The following NUMA1 variants were observed in gnomAD, a reference collection of about 807,000 sequenced individuals.
NUMA1 encodes the protein SP-H antigen.
In NUMA1, 62 loss-of-function variants were observed where a neutral mutation model predicts 237.1. That is an observed-to-expected ratio of 0.26 (90% CI 0.21 to 0.32). NUMA1 has a LOEUF of 0.32. Among genes scored for constraint, NUMA1 ranks in the 10% least tolerant of loss-of-function variants. NUMA1 has a pLI of 1.00. For missense variants in NUMA1, 2,533 were observed against 2,666.5 expected (o/e 0.95, Z 1.10); for synonymous variants, 1,028 against 1,066.1 (o/e 0.96, Z 0.70).
chr11:72,004,773 G>T lies in NUMA1; in HGVS notation c.5873C>A (p.Thr1958Asn). The change falls in exon 24 of 27, where the codon ACT (threonine) becomes AAT (asparagine). Residue 1958 changes from threonine (T) to asparagine (N), a missense_variant. Thr to Asn is a moderately conservative substitution (Grantham distance 65, BLOSUM62 0). Transcript: ENST00000393695. Reference sequence around the variant, plus strand: ...GCGCAGGGTCTCTTGGGGGTCTCCAGTTTTCATCTCCTCATCTGTGATGGT... The same window carrying T: ...GCGCAGGGTCTCTTGGGGGTCTCCATTTTTCATCTCCTCATCTGTGATGGT... The part of the protein sequence containing the change: ...LGTITDEEMK[T>N]GDPQETLRRA... 1 of 1,599,064 alleles carries T rather than the reference G, an allele frequency of 6.3e-7. No individual in the cohort carries two copies.
chr11:72,040,686 T>G (rs1941571550), intron 2 of NUMA1: 1 of 152,158 alleles, frequency 6.6e-6, no homozygotes, highest in South Asian at 2.1e-4. Context: ...GCTTTCCTTC[T>G]CTGAACAAAA....
rs142885887 is a variant in NUMA1 at position 72,013,387 on chromosome 11, G to T, written c.4116C>A (p.Ala1372=). The T allele has an allele frequency of 2.5e-6, 4 of 1,611,830 alleles. No homozygotes were observed. In the African/African-American group the frequency reaches 5.3e-5, roughly 22 times the overall value. Residue 1372 remains alanine, a synonymous_variant, in exon 15 of 27, where the codon GCC becomes GCA. Coordinates refer to ENST00000393695, the MANE Select transcript of NUMA1 (RefSeq NM_006185.4). The surrounding 1 kb of genome is among the most constrained non-coding windows in gnomAD (Gnocchi z 6.8). ...PAKHLCQQLQ[A]EQAAAEKRHR... ...GGCGTTTCTCGGCAGCGGCCTGCTC[G>T]GCCTGCAGCTGCTGGCAGAGGTGCT...
intron 17 of NUMA1, among the ~76,000 whole-genome samples, chr11:72,009,976 G>A (rs983168982): frequency 4.6e-5 from 7 of 152,208 alleles, no homozygotes; most frequent in Non-Finnish European, 7.3e-5. Flanking sequence ...AACTCCTTAA[G>A]AGCAGGGCCT....
chr11:72,046,911 G>A (rs1565272141), intron 2 of NUMA1, among the ~76,000 whole-genome samples: 1 of 152,078 alleles, frequency 6.6e-6, no homozygotes, highest in Non-Finnish European at 1.5e-5. Context: ...AGTGAGCTGA[G>A]ATTGCGCCAT....
intron 3 of NUMA1, among the ~76,000 whole-genome samples, chr11:72,035,243 G>A (rs1211222762): frequency 1.3e-5 from 2 of 152,126 alleles, no homozygotes; most frequent in Non-Finnish European, 2.9e-5. Context: ...TCTAGCAAAA[G>A]AATTTTGATG....
At chr11:72,041,245 T>G (rs1941635863) in intron 2 of NUMA1, 2 of 147,258 alleles carry the variant, frequency 1.4e-5, no homozygotes. Flanking sequence ...AGGGAGGGGG[T>G]GCACTGGAGA....
At chr11:72,077,452 T>C (rs1943761839) in intron 1 of NUMA1, among the ~76,000 whole-genome samples, 1 of 152,100 alleles carries the variant, frequency 6.6e-6, no homozygotes, top group Non-Finnish European at 1.5e-5. Context: ...AGAATTTCAA[T>C]GAAAAAACAC....
chr11:72,046,018 C>G (rs1262048914), intron 2 of NUMA1, among the ~76,000 whole-genome samples: 2 of 152,220 alleles, frequency 1.3e-5, no homozygotes, highest in African/African-American at 4.8e-5. Context: ...GAGGCTGAAC[C>G]TTCCCCTAGA....
chr11:72,019,582 C>G lies in NUMA1; in HGVS notation c.496G>C (p.Glu166Gln), dbSNP rs1171308237. The change falls in exon 9 of 27, where the codon GAA becomes CAA. Residue 166 changes from glutamate to glutamine, a missense_variant. Glu to Gln is a conservative substitution (Grantham distance 29, BLOSUM62 2). Around this residue, in one of 3 missense-constraint regions of NUMA1, gnomAD observed 1,414 missense variants for 1,508.1 expected, o/e 0.94. Coordinates refer to ENST00000393695, the MANE Select transcript of NUMA1 (RefSeq NM_006185.4). ...TGGTGGCTAGGTGGGGAGAGCTCTT[C>G]AGGGAATGTGCTAGAACAGGTAGAA... ...VPSTCSSTFP[E>Q]ELSPPSHQAK... 1 of 1,613,938 alleles carries G rather than the reference C, an allele frequency of 6.2e-7. No homozygotes were observed. The highest frequency in any genetic ancestry group is 2.2e-5 in the East Asian group (1 of 44,878).
At chr11:72,066,723 C>T (rs1943219554) in intron 2 of NUMA1, 1 of 152,218 alleles carries the variant, frequency 6.6e-6, no homozygotes, top group Non-Finnish European at 1.5e-5. Context: ...TGTTCCTCTA[C>T]AAACTTAATT....
rs1955381902 is a variant in NUMA1, at chr11:72,003,220, AC to A, written c.*306del. Reference sequence around the variant, plus strand: ...AGAGGAAGACTGGCCAGGCCCAAGGACCCAGCCATCAAAACCAGCCTCAAAT... The same window carrying A: ...AGAGGAAGACTGGCCAGGCCCAAGGACCAGCCATCAAAACCAGCCTCAAAT... On this transcript the variant is annotated 3_prime_UTR_variant, in exon 27 of 27. Transcript: ENST00000393695. 2.2e-6 allele frequency: 1 copy of A among 462,164 alleles called. No individual in the cohort carries two copies. Among genetic ancestry groups the A allele is most frequent in the African/African-American group, 1.9e-5 (1 of 51,494 alleles). The allele number at this position is 462,164 out of a possible 1,614,324, so 28.6% of individuals were successfully genotyped here.
chr11:72,036,993 T>C (rs920274396), intron 2 of NUMA1, among the ~76,000 whole-genome samples: 1 of 152,166 alleles, frequency 6.6e-6, no homozygotes, highest in African/African-American at 2.4e-5. Context: ...AGTCTCCCCA[T>C]ATATTAGCAT....
chr11:72,042,998 TAC>T (rs1204090436), intron 2 of NUMA1, among the ~76,000 whole-genome samples: 1 of 152,088 alleles, frequency 6.6e-6, no homozygotes, highest in Non-Finnish European at 1.5e-5. Flanking sequence ...GGCCCGCACC[TAC>T]AGTTCCAGCT....
In NUMA1 at chr11:72,015,974, A is replaced by G; in HGVS notation, c.1529T>C (p.Leu510Pro). 6.2e-7 allele frequency: 1 copy of G among 1,613,978 alleles called. No individual in the cohort carries two copies. Among genetic ancestry groups the G allele is most frequent in the Non-Finnish European group, 8.5e-7 (1 of 1,180,006 alleles). ...VASLTSELTT[L>P]NATIQQQDQE... ...ATCCTGTTGCTGGATGGTGGCATTG[A>G]GTGTGGTGAGCTCAGAGGTCAGAGA... Residue 510 changes from leucine to proline, a missense_variant, in exon 15 of 27, where the codon CTC (leucine) becomes CCC (proline). Physicochemically the swap from Leu to Pro is moderately conservative, Grantham distance 98. Transcript: ENST00000393695. The surrounding 1 kb of genome is among the most constrained non-coding windows in gnomAD (Gnocchi z 4.0).
chr11:72,029,152 C>T, intron 4 of NUMA1, 53 bp downstream of exon 4: 3 of 1,323,632 alleles, frequency 2.3e-6, no homozygotes, highest in Non-Finnish European at 2.2e-6. Flanking sequence ...CAGCCCCCAC[C>T]CCAGCAATCA....
At position 72,015,144 on chromosome 11, in the gene NUMA1, G is replaced by T. The variant is rs746636794; in HGVS notation, c.2359C>A (p.Arg787=). ...AHQAETEVLR[R]ELAEAMAAQH... ...GCAGCCATGGCCTCTGCCAGCTCCC[G>T]CCGCAGGACTTCAGTCTCAGCCTGA... Residue 787 remains arginine, a synonymous_variant, in exon 15 of 27, where the codon CGG becomes AGG. Coordinates refer to ENST00000393695, the MANE Select transcript of NUMA1 (RefSeq NM_006185.4). The surrounding 1 kb of genome is among the most constrained non-coding windows in gnomAD (Gnocchi z 4.0). 6.2e-7 allele frequency: 1 copy of T among 1,613,450 alleles called. No homozygotes were observed. The highest frequency in any genetic ancestry group is 1.1e-5 in the South Asian group (1 of 91,086).
intron 1 of NUMA1, among the ~76,000 whole-genome samples, chr11:72,076,235 A>G (rs1035562922): frequency 5.3e-5 from 8 of 151,740 alleles, no homozygotes; most frequent in Non-Finnish European, 7.4e-5. Context: ...TTTGCCGGGT[A>G]TGGTGGTGTG....
At chr11:72,062,564 A>T (rs1347106581) in intron 2 of NUMA1, 1 of 151,674 alleles carries the variant, frequency 6.6e-6, no homozygotes, top group Non-Finnish European at 1.5e-5. Flanking sequence ...AATACAAAAA[A>T]GTAGCTGGGT....
At chr11:72,025,398 C>T (rs1939443950) in intron 4 of NUMA1, among the ~76,000 whole-genome samples, 1 of 151,322 alleles carries the variant, frequency 6.6e-6, no homozygotes, top group African/African-American at 2.4e-5. Context: ...GGCAACAGAG[C>T]GAGATTCTGT....
Sources: gnomAD v4.1 joint callset for allele counts (sites outside exome capture counted in the v4.1 genomes callset) on GRCh38, gnomAD v4.1.1 for gene constraint, gnomAD v4.1.1 regional missense constraint, Gnocchi (gnomAD v3.1) non-coding constraint, MANE v1.5 for transcripts, NCBI Gene and HGNC (gene_info 2026-07-23, HGNC 2026-07-21) for gene names.